The following CPLX2 variants were observed in gnomAD, a reference collection of about 807,000 sequenced individuals.
The protein encoded by CPLX2 is complexin-2.
Under a neutral mutation model 16.3 loss-of-function variants are expected in CPLX2, and 5 were observed. That is an observed-to-expected ratio of 0.31 (90% CI 0.16 to 0.64). The LOEUF is 0.64. Ranked by LOEUF, CPLX2 falls within the 30% of genes least tolerant of loss-of-function variation. The pLI, the probability that CPLX2 is intolerant of heterozygous loss-of-function variation, is 0.79. For synonymous variants in CPLX2, 89 were observed against 73.2 expected (o/e 1.22, Z -1.10); for missense variants, 144 against 181.4 (o/e 0.79, Z 1.18).
chr5:175,846,040 A>C (rs779475078), intron 2 of CPLX2, among the ~76,000 whole-genome samples: 2 of 152,094 alleles, frequency 1.3e-5, no homozygotes, highest in Non-Finnish European at 2.9e-5. Flanking sequence ...CCTCCTGCCC[A>C]CACCGCACCT....
intron 2 of CPLX2, among the ~76,000 whole-genome samples, chr5:175,856,868 C>T (rs996699728): frequency 1.3e-5 from 2 of 152,186 alleles, no homozygotes; most frequent in Non-Finnish European, 2.9e-5. Flanking sequence ...GACCCAGGGA[C>T]TGTGGGCCTC....
At chr5:175,863,730 G>A (rs1207174769) in intron 2 of CPLX2, among the ~76,000 whole-genome samples, 2 of 152,156 alleles carry the variant, frequency 1.3e-5, no homozygotes, top group African/African-American at 4.8e-5. Context: ...GCCCAGAGCA[G>A]CCATTTTTAA....
At chr5:175,831,581 T>C (rs1758736537) in intron 2 of CPLX2, among the ~76,000 whole-genome samples, 1 of 152,208 alleles carries the variant, frequency 6.6e-6, no homozygotes, top group African/African-American at 2.4e-5. Flanking sequence ...ACATTGACTA[T>C]GATTCAACAA....
chr5:175,827,608 G>A (rs2113653380), intron 2 of CPLX2, among the ~76,000 whole-genome samples: 1 of 152,290 alleles, frequency 6.6e-6, no homozygotes, highest in East Asian at 1.9e-4. Context: ...TACAAAATTA[G>A]CTGGGTGTGG....
intron 2 of CPLX2, among the ~76,000 whole-genome samples, chr5:175,828,474 G>A (rs575416930): frequency 2.0e-5 from 3 of 152,180 alleles, no homozygotes; most frequent in African/African-American, 7.2e-5. Context: ...TTAGAGACCA[G>A]AGCTATTGCA....
At chr5:175,877,219 T>G (rs1460181933) in intron 1 of CPLX2, among the ~76,000 whole-genome samples, 2 of 143,686 alleles carry the variant, frequency 1.4e-5, no homozygotes, top group Admixed American at 1.4e-4. Flanking sequence ...TTTTGTGTTT[T>G]GCTTTTTTTT....
In CPLX2 at chr5:175,821,071, C is replaced by T. The variant is rs561502723; in HGVS notation, c.-89+12003C>T. ...GGGATTTGGCAAAAGATCCTGGCTGCTCCTGACCCCTGGCACTTCCTCCAT... is the reference window on the plus strand; with the variant it reads ...GGGATTTGGCAAAAGATCCTGGCTGTTCCTGACCCCTGGCACTTCCTCCAT... On this transcript the variant is annotated intron_variant, in intron 2 of 4. Coordinates refer to the CPLX2 transcript ENST00000359546. 3.9e-5 allele frequency among the ~76,000 whole-genome samples: 6 copies of T among 152,290 alleles called. No individual in the cohort carries two copies. In the East Asian group the frequency reaches 9.7e-4, roughly 25 times the overall value.
chr5:175,856,446 GC>G (rs1229803968), intron 2 of CPLX2, among the ~76,000 whole-genome samples: 3 of 152,184 alleles, frequency 2.0e-5, no homozygotes, highest in Non-Finnish European at 4.4e-5. Context: ...CCAAGCTGGA[GC>G]CCAGCCCCAG....
chr5:175,819,189 A>C (rs1185482243), intron 2 of CPLX2, among the ~76,000 whole-genome samples: 2 of 152,150 alleles, frequency 1.3e-5, no homozygotes, highest in East Asian at 1.9e-4. Flanking sequence ...TCTTGGGAGA[A>C]GCGCTGCCAT....
chr5:175,842,966 C>T (rs989871088), intron 2 of CPLX2, among the ~76,000 whole-genome samples: 1 of 152,208 alleles, frequency 6.6e-6, no homozygotes, highest in Admixed American at 6.5e-5. Flanking sequence ...CTAGAGACCC[C>T]TCTCCCTACC....
chr5:175,818,709 T>C (rs1758454497), intron 2 of CPLX2, among the ~76,000 whole-genome samples: 1 of 122,734 alleles, frequency 8.1e-6, no homozygotes, highest in Non-Finnish European at 1.6e-5. Context: ...TCACCTGGGC[T>C]GGAGTGTAGT....
intron 1 of CPLX2, among the ~76,000 whole-genome samples, chr5:175,801,357 G>T (rs539359902): frequency 2.0e-5 from 3 of 152,298 alleles, no homozygotes; most frequent in Non-Finnish European, 4.4e-5. Context: ...GGCTGCCATT[G>T]TGGGAACAGA....
intron 2 of CPLX2, among the ~76,000 whole-genome samples, chr5:175,847,872 C>T (rs1363388730): frequency 2.6e-5 from 4 of 152,206 alleles, no homozygotes; most frequent in African/African-American, 9.6e-5. Flanking sequence ...TCAGTCCCCC[C>T]GTGAGGTTCA....
chr5:175,854,847 A>G (rs1257213792), intron 2 of CPLX2, among the ~76,000 whole-genome samples: 1 of 152,174 alleles, frequency 6.6e-6, no homozygotes. Flanking sequence ...AAATTACACA[A>G]TCCATTGATT....
At chr5:175,815,325 T>C (rs1040421348) in intron 2 of CPLX2, among the ~76,000 whole-genome samples, 1 of 151,868 alleles carries the variant, frequency 6.6e-6, no homozygotes, top group African/African-American at 2.4e-5. Flanking sequence ...GGAAGTCTAA[T>C]GAGAACCGAC....
At chr5:175,807,462 C>T (rs896219843) in intron 1 of CPLX2, among the ~76,000 whole-genome samples, 2 of 152,238 alleles carry the variant, frequency 1.3e-5, no homozygotes, top group Non-Finnish European at 2.9e-5. Flanking sequence ...GCCATTTGCT[C>T]CCAGGTGCTC....
intron 2 of CPLX2, among the ~76,000 whole-genome samples, chr5:175,816,409 G>A (rs1006885015): frequency 5.9e-5 from 9 of 152,046 alleles, no homozygotes; most frequent in Admixed American, 1.3e-4. Context: ...CTTGTGATCT[G>A]CCCGCCTCAG....
chr5:175,810,533 G>T (rs1758295118), intron 2 of CPLX2, among the ~76,000 whole-genome samples: 1 of 152,182 alleles, frequency 6.6e-6, no homozygotes, highest in Admixed American at 6.5e-5. Flanking sequence ...CCCATGCTTA[G>T]TGCAAGACCT....
At chr5:175,852,048 C>T (rs1284874736) in intron 2 of CPLX2, among the ~76,000 whole-genome samples, 2 of 152,150 alleles carry the variant, frequency 1.3e-5, no homozygotes, top group Non-Finnish European at 2.9e-5. Flanking sequence ...CAGCTGGAGC[C>T]CACAATATTC....
Sources: gnomAD v4.1 joint callset for allele counts (sites outside exome capture counted in the v4.1 genomes callset) on GRCh38, gnomAD v4.1.1 for gene constraint, MANE v1.5 for transcripts, NCBI Gene and HGNC (gene_info 2026-07-23, HGNC 2026-07-21) for gene names.